ATP8B4: variants seen among roughly 807,000 people sequenced by gnomAD.
ATP8B4 encodes ATPase phospholipid transporting 8B4 (putative).
Under a neutral mutation model 145.6 loss-of-function variants are expected in ATP8B4, and 133 were observed. The observed-to-expected ratio is 0.91, with a 90% CI of 0.79 to 1.05. ATP8B4 has a LOEUF of 1.05. Ranked by LOEUF, ATP8B4 falls within the 50% of genes least tolerant of loss-of-function variation. ATP8B4 has a pLI of 0.00. For synonymous variants in ATP8B4, 507 were observed against 492.9 expected, an observed-to-expected ratio of 1.03 and a Z score of -0.38; for missense variants, 1,458 against 1,425.2, an observed-to-expected ratio of 1.02 and a Z score of -0.37.
At position 50,044,610 on chromosome 15, in the gene ATP8B4, T is replaced by C; in HGVS notation, c.284A>G (p.Asp95Gly). The change falls in exon 5 of 28, where the codon GAT (aspartate) becomes GGT (glycine). Residue 95 changes from aspartate to glycine, a missense_variant. Physicochemically the swap from Asp to Gly is moderately conservative, Grantham distance 94 (BLOSUM62 -1). Transcript: ENST00000284509. ...VLVITMTAVK[D>G]ATDDYFRHKS... is the part of the protein sequence containing the mutation. ...AATACTCACATAGTCATCTGTGGCATCTTTGACAGCTGTCATAGTTATCAC... is the reference window on the plus strand; with the variant it reads ...AATACTCACATAGTCATCTGTGGCACCTTTGACAGCTGTCATAGTTATCAC... 6.2e-7 allele frequency: 1 copy of C among 1,611,464 alleles called. No homozygotes were observed.
chr15:49,890,860 A>G (rs1288146667), intron 23 of ATP8B4, among the ~76,000 whole-genome samples: 1 of 152,050 alleles, frequency 6.6e-6, no homozygotes, highest in Non-Finnish European at 1.5e-5. Context: ...ATGCCAGGCC[A>G]CTCCCATGTG....
chr15:49,915,450 G>T (rs2039645516), intron 20 of ATP8B4, among the ~76,000 whole-genome samples: 1 of 152,112 alleles, frequency 6.6e-6, no homozygotes, highest in Non-Finnish European at 1.5e-5. Flanking sequence ...AAGTTAGCCA[G>T]AAGAGAGGAC....
intron 3 of ATP8B4, among the ~76,000 whole-genome samples, chr15:50,058,598 A>G (rs992417978): frequency 6.6e-6 from 1 of 152,186 alleles, no homozygotes; most frequent in Non-Finnish European, 1.5e-5. Flanking sequence ...AGTTCTACAT[A>G]AATAACACCA....
chr15:49,977,276 C>T (rs10519250), intron 12 of ATP8B4, among the ~76,000 whole-genome samples: 32,474 of 152,058 alleles, frequency 0.21, 4,594 homozygotes, highest in Non-Finnish European at 0.3. Flanking sequence ...ATGTCTCAAT[C>T]TTTAGGACCG....
At chr15:50,087,659 T>C (rs1299285303) in intron 2 of ATP8B4, among the ~76,000 whole-genome samples, 2 of 151,976 alleles carry the variant, frequency 1.3e-5, no homozygotes, top group Non-Finnish European at 2.9e-5. Context: ...CAAGTATATC[T>C]GTAACAGTTC....
chr15:50,063,322 T>C (rs1489956236), intron 3 of ATP8B4, among the ~76,000 whole-genome samples: 1 of 151,864 alleles, frequency 6.6e-6, no homozygotes, highest in Non-Finnish European at 1.5e-5. Flanking sequence ...CTTAGATCAG[T>C]GATTAATCCA....
At chr15:49,860,640 A>G (rs1439135516) in intron 27 of ATP8B4, among the ~76,000 whole-genome samples, 165 bp from the exon 28 acceptor site, 1 of 152,084 alleles carries the variant, frequency 6.6e-6, no homozygotes, top group African/African-American at 2.4e-5. Flanking sequence ...AAAAGATAAC[A>G]CTGGGGGGGC....
chr15:50,086,525 T>C (rs1469877303), intron 2 of ATP8B4, among the ~76,000 whole-genome samples: 1 of 87,156 alleles, frequency 1.1e-5, no homozygotes, highest in African/African-American at 6.4e-5. Context: ...AATATAGAGA[T>C]CTATATTTAT....
chr15:49,958,962 T>C (rs1323282608), intron 14 of ATP8B4, among the ~76,000 whole-genome samples: 1 of 152,028 alleles, frequency 6.6e-6, no homozygotes, highest in Non-Finnish European at 1.5e-5. Context: ...AAGGATCCCT[T>C]ATTTATGTTT....
At chr15:50,170,056 A>T (rs867913372) in intron 1 of ATP8B4, among the ~76,000 whole-genome samples, 13 of 152,168 alleles carry the variant, frequency 8.5e-5, no homozygotes, top group African/African-American at 3.1e-4. Context: ...CCTAAAACTC[A>T]TCAGTGTACC....
At chr15:49,948,009 T>C (rs1196882837) in intron 14 of ATP8B4, among the ~76,000 whole-genome samples, 1 of 152,064 alleles carries the variant, frequency 6.6e-6, no homozygotes, top group African/African-American at 2.4e-5. Context: ...CCTGCAACTA[T>C]AAAACTCCTA....
chr15:49,987,551 T>A lies in ATP8B4; in HGVS notation c.590-2A>T, dbSNP rs1293985483. On this transcript the variant is annotated splice_acceptor_variant, in intron 9 of 27. Coordinates refer to ENST00000284509, the MANE Select transcript of ATP8B4 (RefSeq NM_024837.4). LOFTEE classifies it high-confidence loss of function. ...TAGGCACCTCACAGACAACAATCCCTGGAAAATAAAAAAACAAAACAAACC... is the reference window on the plus strand; with the variant it reads ...TAGGCACCTCACAGACAACAATCCCAGGAAAATAAAAAAACAAAACAAACC... The A allele has an allele frequency of 3.1e-6, 5 of 1,609,980 alleles. No individual in the cohort carries two copies.
intron 27 of ATP8B4, 152 bp from the exon 28 acceptor site, chr15:49,860,627 C>A: frequency 1.1e-6 from 1 of 927,448 alleles, no homozygotes; most frequent in Non-Finnish European, 1.5e-6. Flanking sequence ...AAATTTTCCA[C>A]CCAAAAGATA....
chr15:50,056,919 T>A (rs1245782356), intron 3 of ATP8B4, among the ~76,000 whole-genome samples: 1 of 151,874 alleles, frequency 6.6e-6, no homozygotes, highest in African/African-American at 2.4e-5. Context: ...TGAGACAGAG[T>A]CTCGCTATGT....
At position 49,862,255 on chromosome 15, in the gene ATP8B4, A is replaced by G. The variant is rs2031957807; in HGVS notation, c.3287T>C (p.Leu1096Pro). Residue 1096 changes from leucine to proline, a missense_variant, in exon 27 of 28, where the codon CTG (leucine) becomes CCG (proline). Transcript: ENST00000284509. ...RFLKVDLYPT[L>P]SDQIRRWQKA... ...AGCACTGTGACATACCTGATCACTCAGGGTTGGGTATAAATCCACCTTCAA... is the reference window on the plus strand; with the variant it reads ...AGCACTGTGACATACCTGATCACTCGGGGTTGGGTATAAATCCACCTTCAA... The G allele has an allele frequency of 1.9e-6, 3 of 1,613,238 alleles. No individual in the cohort carries two copies. Among genetic ancestry groups the G allele is most frequent in the African/African-American group, 1.3e-5 (1 of 74,904 alleles).
intron 14 of ATP8B4, among the ~76,000 whole-genome samples, chr15:49,946,770 A>G (rs916820658): frequency 6.6e-6 from 1 of 152,162 alleles, no homozygotes; most frequent in African/African-American, 2.4e-5. Flanking sequence ...TACATCTTCC[A>G]TCTGAAGAAG....
At chr15:49,968,152 T>C (rs915888310) in intron 13 of ATP8B4, among the ~76,000 whole-genome samples, 13 of 152,160 alleles carry the variant, frequency 8.5e-5, no homozygotes, top group African/African-American at 2.9e-4. Flanking sequence ...GAAAAACCCA[T>C]ACCAGCCACT....
chr15:50,077,485 A>G (rs957521949), intron 2 of ATP8B4, among the ~76,000 whole-genome samples: 1 of 152,250 alleles, frequency 6.6e-6, no homozygotes, highest in African/African-American at 2.4e-5. Flanking sequence ...AACTCTAGCC[A>G]AAAGAATTAG....
chr15:50,010,732 G>C (rs769386301), intron 7 of ATP8B4, 113 bp downstream of exon 7: 40 of 626,844 alleles, frequency 6.4e-5, no homozygotes, highest in Non-Finnish European at 9.2e-5. Context: ...AATACATACT[G>C]ATGATAATTA....
Sources: gnomAD v4.1 joint callset for allele counts (sites outside exome capture counted in the v4.1 genomes callset) on GRCh38, gnomAD v4.1.1 for gene constraint, MANE v1.5 for transcripts, NCBI Gene and HGNC (gene_info 2026-07-23, HGNC 2026-07-21) for gene names.